The following NME8 variants were observed in gnomAD, a reference collection of about 807,000 sequenced individuals.
NME8 encodes NME/NM23 family member 8.
NME8 carries 72 observed loss-of-function variants against 82.3 expected under a neutral mutation model. That is an observed-to-expected ratio of 0.87 (90% CI 0.72 to 1.06). NME8 has a LOEUF of 1.06. NME8 is among the 50% of genes least tolerant of loss of function. NME8 has a pLI of 0.00. For missense variants in NME8, 712 were observed against 685.4 expected (o/e 1.04, Z -0.43); for synonymous variants, 267 against 228.5 (o/e 1.17, Z -1.52).
chr7:37,853,559 A>G (rs1784466533), intron 5 of NME8, among the ~76,000 whole-genome samples: 1 of 152,178 alleles, frequency 6.6e-6, no homozygotes, highest in African/African-American at 2.4e-5. Flanking sequence ...ATTCTTGTGA[A>G]TCCTGGCAGT....
At chr7:37,890,003 C>G (rs1032479708) in intron 15 of NME8, among the ~76,000 whole-genome samples, 1 of 152,010 alleles carries the variant, frequency 6.6e-6, no homozygotes, top group African/African-American at 2.4e-5. Context: ...ATATTTAAAA[C>G]TATTCATGGT....
At chr7:37,888,746 T>C (rs1167194742) in intron 15 of NME8, among the ~76,000 whole-genome samples, 1 of 152,154 alleles carries the variant, frequency 6.6e-6, no homozygotes, top group East Asian at 1.9e-4. Flanking sequence ...GTACGGAATA[T>C]CATGTTAATG....
chr7:37,854,158 T>A (rs184800631), intron 5 of NME8, among the ~76,000 whole-genome samples: 77 of 152,198 alleles, frequency 5.1e-4, no homozygotes, highest in African/African-American at 1.8e-3. Context: ...AAACAGTCGA[T>A]TGATACATAT....
intron 15 of NME8, among the ~76,000 whole-genome samples, chr7:37,891,603 T>C (rs1489178163): frequency 6.6e-6 from 1 of 152,040 alleles, no homozygotes; most frequent in African/African-American, 2.4e-5. Flanking sequence ...ATTTGTTCTG[T>C]AAGCCATTTT....
At chr7:37,888,134 G>T (rs544689179) in intron 14 of NME8, 143 bp from the exon 15 acceptor site, 1 of 773,098 alleles carries the variant, frequency 1.3e-6, no homozygotes, top group Non-Finnish European at 2.2e-6. Context: ...GCCCTAAGCC[G>T]CCATGTACTT....
intron 5 of NME8, among the ~76,000 whole-genome samples, chr7:37,853,321 C>A (rs958254730): frequency 6.6e-6 from 1 of 152,014 alleles, no homozygotes; most frequent in Admixed American, 6.6e-5. Flanking sequence ...AGACGAGATT[C>A]TGTAACAACC....
chr7:37,864,510 T>C (rs1246803664), intron 9 of NME8, 89 bp downstream of exon 9: 13 of 1,317,678 alleles, frequency 9.9e-6, no homozygotes, highest in Non-Finnish European at 1.4e-5. Context: ...CCATTTAGAG[T>C]GAAATAGAAC....
In NME8 at chr7:37,894,761, A is replaced by G. The variant is rs1022090401; in HGVS notation, c.1544+151A>G. ...AACATTCATGGTTCATCTTTTTTCT[A>G]TTTCCTTACCTCCCTCCCTATCTTC... On this transcript the variant is annotated intron_variant, in intron 16 of 17. Transcript: ENST00000199447. 2.5e-5 allele frequency: 20 copies of G among 812,280 alleles called. No homozygotes were observed. In the African/African-American group the frequency reaches 3.4e-4, roughly 14 times the overall value. The allele number at this position is 812,280 out of a possible 1,614,324, so 50.3% of individuals were successfully genotyped here.
rs772828115 is a variant in NME8 at position 37,894,460 on chromosome 7, T to C, written c.1400-6T>C. 6.2e-7 allele frequency: 1 copy of C among 1,612,376 alleles called. No individual in the cohort carries two copies. The highest frequency in any genetic ancestry group is 1.3e-5 in the African/African-American group (1 of 74,852). ...TGCAATATTATCAAATATTTGTTTT[T>C]CTTAGAGCAGATCCTGAAGATAGTT... On this transcript the variant is annotated splice_polypyrimidine_tract_variant and splice_region_variant and intron_variant, in intron 15 of 17. Transcript: ENST00000199447.
chr7:37,898,953 A>G (rs1194098482), intron 17 of NME8, among the ~76,000 whole-genome samples: 2 of 152,362 alleles, frequency 1.3e-5, no homozygotes, highest in South Asian at 2.1e-4. Context: ...GACAAGCACA[A>G]AAAGCTCTTG....
At chr7:37,853,367 A>G in intron 5 of NME8, among the ~76,000 whole-genome samples, 1 of 152,182 alleles carries the variant, frequency 6.6e-6, no homozygotes, top group East Asian at 1.9e-4. Flanking sequence ...ACCAGAAAGG[A>G]GCTAGGAAAT....
chr7:37,895,909 G>A (rs76182950), intron 16 of NME8, among the ~76,000 whole-genome samples: 1 of 152,104 alleles, frequency 6.6e-6, no homozygotes, highest in Non-Finnish European at 1.5e-5. Flanking sequence ...GTGTGTAAGA[G>A]GCTATTCTAT....
At chr7:37,871,819 G>C (rs1784770949) in intron 11 of NME8, among the ~76,000 whole-genome samples, 1 of 151,894 alleles carries the variant, frequency 6.6e-6, no homozygotes. Flanking sequence ...TTTCCTTTAT[G>C]ATATTCTCAT....
At chr7:37,876,229 T>TATATAG (rs1044568242) in intron 11 of NME8, among the ~76,000 whole-genome samples, 2 of 146,126 alleles carry the variant, frequency 1.4e-5, no homozygotes, top group African/African-American at 5.1e-5. Context: ...TATATATATA[T>TATATAG]ATAGATAGAT....
chr7:37,884,659 G>A (rs1052923324), intron 13 of NME8, among the ~76,000 whole-genome samples: 2 of 152,200 alleles, frequency 1.3e-5, no homozygotes, highest in Non-Finnish European at 2.9e-5. Flanking sequence ...TAGTAGGAAG[G>A]TCTCAGAGGA....
intron 6 of NME8, among the ~76,000 whole-genome samples, chr7:37,861,624 T>A (rs1164746568): frequency 1.3e-5 from 2 of 152,172 alleles, no homozygotes; most frequent in African/African-American, 4.8e-5. Flanking sequence ...AGTAAACAGA[T>A]GCTTAGTAAA....
chr7:37,861,353 C>T (rs558384199), intron 6 of NME8, among the ~76,000 whole-genome samples: 1 of 152,266 alleles, frequency 6.6e-6, no homozygotes, highest in Admixed American at 6.5e-5. Context: ...TCTTTCTTCT[C>T]CTTTTTGCCC....
intron 16 of NME8, among the ~76,000 whole-genome samples, chr7:37,896,368 A>G (rs541813362): frequency 1.1e-3 from 123 of 112,002 alleles, no homozygotes; most frequent in African/African-American, 3.0e-3. Context: ...GCAAGTCAAG[A>G]TGTAGTGCAG....
At chr7:37,884,575 T>A in intron 13 of NME8, 128 bp downstream of exon 13, 1 of 759,956 alleles carries the variant, frequency 1.3e-6, no homozygotes, top group South Asian at 1.6e-5. Flanking sequence ...TTTACTTCTC[T>A]ACCAGTCCTG....
Sources: allele counts gnomAD v4.1 joint callset (sites outside exome capture counted in the v4.1 genomes callset), GRCh38; gene constraint gnomAD v4.1.1; transcripts MANE v1.5; gene names NCBI Gene and HGNC (gene_info 2026-07-23, HGNC 2026-07-21).